SORBS3: variants seen among roughly 807,000 people sequenced by gnomAD.
SORBS3 encodes sorbin and SH3 domain containing 3.
A neutral mutation model predicts 98.0 loss-of-function variants in SORBS3; 69 were observed. The observed-to-expected ratio is 0.70, with a 90% CI of 0.58 to 0.86. SORBS3 has a LOEUF of 0.86. SORBS3 is among the 40% of genes least tolerant of loss of function. SORBS3 has a pLI of 0.00. For missense variants in SORBS3, 954 were observed against 908.5 expected, an observed-to-expected ratio of 1.05 and a Z score of -0.64; for synonymous variants, 394 against 355.4, an observed-to-expected ratio of 1.11 and a Z score of -1.22.
intron 12 of SORBS3, 76 bp from the exon 13 acceptor site, chr8:22,566,269 G>C (rs1840416613): frequency 6.6e-7 from 1 of 1,509,950 alleles, no homozygotes; most frequent in South Asian, 1.3e-5. Context: ...GCGATGGGGG[G>C]TCAGAGCGGT....
Position 22,554,248 on chromosome 8 carries a change from A to G in SORBS3, c.-55-204A>G, listed in dbSNP as rs920166704. On this transcript the variant is annotated intron_variant, in intron 1 of 20. Transcript: ENST00000240123. This position sits in a 1 kb window ranked among gnomAD's most constrained non-coding sequence, Gnocchi z 6.5. ...CTGCCCTGGGCCTAACAAGTGGTCC[A>G]TTGTGCCCCTGGGAGCCGGCAGGCA... 10 of 334,798 alleles carry G rather than the reference A, an allele frequency of 3.0e-5. No homozygotes were observed. Among genetic ancestry groups the G allele is most frequent in the African/African-American group, 1.8e-4 (8 of 44,676 alleles). The allele number at this position is 334,798 out of a possible 1,614,324, so 20.7% of individuals were successfully genotyped here.
Position 22,554,830 on chromosome 8 carries a change from C to A in SORBS3, c.103-33C>A. 1 of 1,199,420 alleles carries A rather than the reference C, an allele frequency of 8.3e-7. No homozygotes were observed. The highest frequency in any genetic ancestry group is 1.2e-6 in the Non-Finnish European group (1 of 817,374). The allele number at this position is 1,199,420 out of a possible 1,614,324, so 74.3% of individuals were successfully genotyped here. Reference sequence around the variant, plus strand: ...CATCCCTCCCTCCCGCCCTGCTGGGCCCTGAGCTGCCGCTCCTGGCCCCTC... The same window carrying A: ...CATCCCTCCCTCCCGCCCTGCTGGGACCTGAGCTGCCGCTCCTGGCCCCTC... On this transcript the variant is annotated intron_variant, in intron 2 of 20. Transcript: ENST00000240123. This position sits in a 1 kb window ranked among gnomAD's most constrained non-coding sequence, Gnocchi z 6.5.
At chr8:22,566,907 A>G (rs1840440363) in intron 15 of SORBS3, 39 bp downstream of exon 15, 1 of 1,595,306 alleles carries the variant, frequency 6.3e-7, no homozygotes. Context: ...ACCCAAGGCA[A>G]TCTCTGCCAT....
Position 22,556,839 on chromosome 8 carries a change from C to T in SORBS3, c.345C>T (p.Asp115=). The change falls in exon 4 of 21, where the codon GAC becomes GAT. Residue 115 remains aspartate (D), a synonymous_variant. Coordinates refer to ENST00000240123, the MANE Select transcript of SORBS3 (RefSeq NM_005775.5). ...GGACCAAGGACAGCAAGCGTCGGGACAAGCGCTGGGTCAAGTACGAGGGAA... is the reference window on the plus strand; with the variant it reads ...GGACCAAGGACAGCAAGCGTCGGGATAAGCGCTGGGTCAAGTACGAGGGAA... ...ATWTKDSKRR[D]KRWVKYEGIG... 2.5e-6 allele frequency: 4 copies of T among 1,613,630 alleles called. No homozygotes were observed. Among genetic ancestry groups the T allele is most frequent in the East Asian group, 2.2e-5 (1 of 44,882 alleles).
At chr8:22,551,869 G>C (rs2117200297), upstream of SORBS3, 4 of 985,154 alleles carry the variant, frequency 4.1e-6, no homozygotes, top group South Asian at 1.9e-4. The surrounding 1 kb of genome is among the most constrained non-coding windows in gnomAD (Gnocchi z 5.8). Context: ...CGCCCGGCCC[G>C]GCCCGGCCCG....
At chr8:22,566,191 G>A in intron 12 of SORBS3, 154 bp from the exon 13 acceptor site, 2 of 1,021,248 alleles carry the variant, frequency 2.0e-6, no homozygotes, top group Non-Finnish European at 2.7e-6. Flanking sequence ...AGCGACTCGG[G>A]AAGTAGGACA....
In SORBS3 at chr8:22,565,288, G is replaced by A; in HGVS notation, c.837G>A (p.Leu279=). 1 of 1,555,602 alleles carries A rather than the reference G, an allele frequency of 6.4e-7. No individual in the cohort carries two copies. The highest frequency in any genetic ancestry group is 1.2e-5 in the South Asian group (1 of 84,384). The change falls in exon 11 of 21, where the codon CTG becomes CTA. Residue 279 remains leucine (L), a synonymous_variant. Transcript: ENST00000240123. ...QPIEVLLERE[L]AELSAELDKD... is the part of the protein sequence containing the mutation. ...CCCAGGTGCTGCTGGAGAGAGAGCT[G>A]GCCGAGCTGAGCGCCGAGCTGGACA...
intron 20 of SORBS3, chr8:22,573,198 C>A: frequency 2.5e-6 from 1 of 399,606 alleles, no homozygotes; most frequent in Non-Finnish European, 5.0e-6. Context: ...CACCCAGGAC[C>A]ATTAAGCACT....
chr8:22,574,177 CCCT>C (rs890331764), intron 20 of SORBS3, among the ~76,000 whole-genome samples: 5 of 152,176 alleles, frequency 3.3e-5, no homozygotes, highest in African/African-American at 9.7e-5. Flanking sequence ...GGGTTCCCCC[CCCT>C]CCTCCTCTTC....
chr8:22,565,757 G>C, intron 11 of SORBS3, 69 bp from the exon 12 acceptor site: 1 of 1,284,956 alleles, frequency 7.8e-7, no homozygotes, highest in Non-Finnish European at 9.8e-7. Flanking sequence ...AACTTTTCCG[G>C]AGGCGGCGGC....
upstream of SORBS3, among the ~76,000 whole-genome samples, chr8:22,547,794 C>T (rs1020477097): frequency 1.3e-5 from 2 of 152,196 alleles, no homozygotes; most frequent in African/African-American, 4.8e-5. Flanking sequence ...AAAGACACCC[C>T]GTCTGTGCAT....
Position 22,572,552 on chromosome 8 carries a change from C to T in SORBS3, c.1954+106C>T, listed in dbSNP as rs561293430. The T allele has an allele frequency of 3.0e-3, 2,692 of 889,386 alleles. 6 individuals are homozygous for T. Among genetic ancestry groups the T allele is most frequent in the Middle Eastern group, 7.6e-3 (23 of 3,034 alleles). 55.1% of individuals were successfully genotyped at this position (889,386 alleles called of 1,614,324 possible). ...AGCAAAGATTCATGGCCGACCACCC[C>T]CCGACTCAGCTTCCGGCCGGGCTAC... On this transcript the variant is annotated intron_variant, in intron 20 of 20. Transcript: ENST00000240123.
intron 17 of SORBS3, among the ~76,000 whole-genome samples, chr8:22,569,851 C>T (rs1042630138): frequency 6.6e-6 from 1 of 152,094 alleles, no homozygotes; most frequent in South Asian, 2.1e-4. Context: ...TAATTTTGGT[C>T]CATTTTTAAA....
intron 7 of SORBS3, among the ~76,000 whole-genome samples, chr8:22,562,855 G>A (rs950236871): frequency 4.6e-5 from 7 of 152,224 alleles, no homozygotes; most frequent in African/African-American, 1.4e-4. Flanking sequence ...GGTGGCTCAC[G>A]CCTGTAATCC....
At chr8:22,564,599 G>C (rs867581980) in intron 10 of SORBS3, 78 bp downstream of exon 10, 1 of 1,570,166 alleles carries the variant, frequency 6.4e-7, no homozygotes, top group East Asian at 2.2e-5. Flanking sequence ...AGTAACCATG[G>C]GCATAGGCCA....
At chr8:22,548,386 A>G (rs1320144120), upstream of SORBS3, among the ~76,000 whole-genome samples, 4 of 152,168 alleles carry the variant, frequency 2.6e-5, no homozygotes, top group African/African-American at 4.8e-5. Flanking sequence ...TCCTGCTGGT[A>G]TGTCCATGTG....
intron 19 of SORBS3, among the ~76,000 whole-genome samples, chr8:22,572,119 C>T (rs553809952): frequency 6.6e-6 from 1 of 152,256 alleles, no homozygotes; most frequent in East Asian, 1.9e-4. Context: ...GACAGGAAGG[C>T]ACCAGGTGCT....
In SORBS3 at chr8:22,566,350, C is replaced by T. The variant is rs911168367; in HGVS notation, c.956C>T (p.Ala319Val). ...AGTCTCTGTGCCCCGTGCAGCCCGG[C>T]CTCAGCCTGGAGCTCCAGCTACCCA... is the stretch of plus-strand genomic sequence containing the variant. ...APEQRPPAGP[A>V]SAWSSSYPHA... Residue 319 changes from alanine (A) to valine (V), a missense_variant, in exon 13 of 21, where the codon GCC becomes GTC. Transcript: ENST00000240123. 1.9e-6 allele frequency: 3 copies of T among 1,613,184 alleles called. No individual in the cohort carries two copies. In the African/African-American group the frequency reaches 4.0e-5, roughly 22 times the overall value.
In SORBS3 at chr8:22,575,664, G is replaced by C. The variant is rs1218693067; in HGVS notation, c.*936G>C. The C allele has an allele frequency of 6.6e-6, 1 of 152,368 alleles. No individual in the cohort carries two copies. The highest frequency in any genetic ancestry group is 1.5e-5 in the Non-Finnish European group (1 of 68,206). The allele number at this position is 152,368 out of a possible 1,614,324, so 9.4% of individuals were successfully genotyped here. A position where few individuals can be genotyped will look rare whatever the true frequency, so the allele number is the denominator to read the frequency against. On this transcript the variant is annotated 3_prime_UTR_variant, in exon 21 of 21. Coordinates refer to ENST00000240123, the MANE Select transcript of SORBS3 (RefSeq NM_005775.5). ...TACCTCCAAAGATCTCTGCCCTTGG[G>C]TGTCAGGCAGGTTGCGGCAGCCCCC...
Sources: gnomAD v4.1 joint callset for allele counts (sites outside exome capture counted in the v4.1 genomes callset) on GRCh38, gnomAD v4.1.1 for gene constraint, Gnocchi (gnomAD v3.1) non-coding constraint, MANE v1.5 for transcripts, NCBI Gene and HGNC (gene_info 2026-07-23, HGNC 2026-07-21) for gene names.